The following FAM227B variants were observed in gnomAD, a reference collection of about 807,000 sequenced individuals.
FAM227B encodes the protein protein FAM227B.
FAM227B carries 88 observed loss-of-function variants against 73.8 expected under a neutral mutation model. That is an observed-to-expected ratio of 1.19 (90% CI 1.00 to 1.42). FAM227B has a LOEUF of 1.42. FAM227B is among the 40% of genes most tolerant of loss of function. The pLI, the probability that FAM227B is intolerant of heterozygous loss-of-function variation, is 0.00. For missense variants in FAM227B, 632 were observed against 590.9 expected, an observed-to-expected ratio of 1.07 and a Z score of -0.72; for synonymous variants, 210 against 190.5, an observed-to-expected ratio of 1.10 and a Z score of -0.84.
chr15:49,574,328 A>T (rs8023535), intron 8 of FAM227B, among the ~76,000 whole-genome samples: 152,264 of 152,264 alleles, frequency 1, 76,132 homozygotes, highest in Non-Finnish European at 1. Context: ...CCCAAACAAA[A>T]CTCATCTTGA....
chr15:49,525,380 A>G (rs1231502647), intron 10 of FAM227B, among the ~76,000 whole-genome samples: 1 of 152,042 alleles, frequency 6.6e-6, no homozygotes, highest in Non-Finnish European at 1.5e-5. Context: ...CATGATTGTG[A>G]GGCCTCCACA....
chr15:49,548,192 T>C (rs1018986137), intron 9 of FAM227B, among the ~76,000 whole-genome samples: 4 of 152,200 alleles, frequency 2.6e-5, no homozygotes, highest in African/African-American at 9.6e-5. Context: ...GGTATATTCC[T>C]TATATCACCA....
intron 11 of FAM227B, chr15:49,485,963 G>T (rs1299819869): frequency 2.0e-5 from 3 of 151,848 alleles, no homozygotes; most frequent in Non-Finnish European, 4.4e-5. Flanking sequence ...AAGAATAAGG[G>T]GCCCTGAATG....
chr15:49,455,054 C>T (rs1244044920), intron 11 of FAM227B, among the ~76,000 whole-genome samples: 1 of 152,096 alleles, frequency 6.6e-6, no homozygotes, highest in Non-Finnish European at 1.5e-5. Flanking sequence ...TGGGGGATCA[C>T]CTGTATTAGG....
At chr15:49,408,468 T>C (rs1391584137) in intron 11 of FAM227B, among the ~76,000 whole-genome samples, 2 of 152,232 alleles carry the variant, frequency 1.3e-5, no homozygotes, top group East Asian at 3.8e-4. Context: ...TGAGTTCTTA[T>C]TCAATTTTGT....
chr15:49,348,662 A>C (rs4421927), intron 13 of FAM227B, among the ~76,000 whole-genome samples: 5 of 151,958 alleles, frequency 3.3e-5, no homozygotes, highest in Admixed American at 2.0e-4. Flanking sequence ...CCACCTCCTA[A>C]GAGAGAAGTA....
At chr15:49,555,857 T>C (rs938873665) in intron 9 of FAM227B, among the ~76,000 whole-genome samples, 2 of 152,240 alleles carry the variant, frequency 1.3e-5, no homozygotes, top group South Asian at 4.1e-4. Context: ...TGCAACTGTA[T>C]TCTGAAATTC....
chr15:49,575,713 G>A (rs1318879622), intron 7 of FAM227B, among the ~76,000 whole-genome samples: 1 of 151,944 alleles, frequency 6.6e-6, no homozygotes, highest in Non-Finnish European at 1.5e-5. Flanking sequence ...TAAGATTCAT[G>A]CCATTATTTC....
At chr15:49,470,463 A>G (rs1436755550) in intron 11 of FAM227B, among the ~76,000 whole-genome samples, 1 of 152,182 alleles carries the variant, frequency 6.6e-6, no homozygotes, top group Non-Finnish European at 1.5e-5. Context: ...AATTTAGGAC[A>G]AGTATATACA....
chr15:49,424,230 G>C, intron 11 of FAM227B: 1 of 1,386,714 alleles, frequency 7.2e-7, no homozygotes, highest in Non-Finnish European at 1.0e-6. Flanking sequence ...CAATGACCTA[G>C]GAGTAACAAT....
intron 3 of FAM227B, among the ~76,000 whole-genome samples, chr15:49,594,723 T>C (rs574313057): frequency 6.6e-6 from 1 of 152,330 alleles, no homozygotes; most frequent in East Asian, 1.9e-4. Context: ...TTGTTGAAGA[T>C]CAGTTGGCTG....
intron 11 of FAM227B, among the ~76,000 whole-genome samples, chr15:49,416,606 A>T (rs1455721671): frequency 6.6e-6 from 1 of 152,122 alleles, no homozygotes; most frequent in Admixed American, 6.6e-5. Context: ...TATGTAGAAA[A>T]TCGCATAGTC....
chr15:49,367,819 C>A (rs2045445892), intron 12 of FAM227B: 9 of 271,002 alleles, frequency 3.3e-5, no homozygotes, highest in East Asian at 7.8e-5. Context: ...TTTGAGTTAT[C>A]ATCAGACTTG....
At chr15:49,396,238 C>G (rs149722567) in intron 11 of FAM227B, 377 of 362,136 alleles carry the variant, frequency 1.0e-3, no homozygotes, top group Non-Finnish European at 1.7e-3. Flanking sequence ...GGGTGACGGA[C>G]GGCACCTGGA....
intron 2 of FAM227B, among the ~76,000 whole-genome samples, chr15:49,613,618 G>T (rs1231684940): frequency 1.3e-5 from 2 of 152,102 alleles, no homozygotes; most frequent in East Asian, 3.9e-4. Context: ...ATAAATAAAA[G>T]AGTATAATTG....
intron 10 of FAM227B, among the ~76,000 whole-genome samples, chr15:49,523,389 C>A (rs2152183876): frequency 6.6e-6 from 1 of 152,258 alleles, no homozygotes; most frequent in South Asian, 2.1e-4. Flanking sequence ...CCCGCACAAG[C>A]TCTCTCTTTG....
intron 11 of FAM227B, chr15:49,422,530 T>C: frequency 7.6e-7 from 1 of 1,310,766 alleles, no homozygotes; most frequent in Non-Finnish European, 9.8e-7. Context: ...GCCCTGTTCC[T>C]TATATTAGTA....
intron 11 of FAM227B, among the ~76,000 whole-genome samples, chr15:49,404,031 G>T (rs994676906): frequency 2.6e-5 from 4 of 151,940 alleles, no homozygotes; most frequent in Non-Finnish European, 5.9e-5. Context: ...AAAGTTATTT[G>T]GGAGCAGGTT....
chr15:49,333,995 T>C lies in FAM227B; in HGVS notation c.1349+1424A>G, dbSNP rs533449144. 3.3e-5 allele frequency among the ~76,000 whole-genome samples: 5 copies of C among 152,352 alleles called. No homozygotes were observed. The South Asian group carries it at 1.0e-3, about 32-fold the overall frequency. On this transcript the variant is annotated intron_variant, in intron 14 of 15. Transcript: ENST00000299338. ...ATGGGGAAGGCTTATAGGTTTATTT[T>C]GAAAAGGACTTGAGCTTAAGTCCTA...
Sources: allele counts gnomAD v4.1 joint callset (sites outside exome capture counted in the v4.1 genomes callset), GRCh38; gene constraint gnomAD v4.1.1; transcripts MANE v1.5; gene names NCBI Gene and HGNC (gene_info 2026-07-23, HGNC 2026-07-21).